USH2A: variants seen among roughly 807,000 people sequenced by gnomAD.
The protein encoded by USH2A is Usher syndrome 2A (autosomal recessive, mild).
A neutral mutation model predicts 538.9 loss-of-function variants in USH2A; 443 were observed. The observed-to-expected ratio is 0.82, with a 90% CI of 0.76 to 0.89. The LOEUF (loss-of-function observed/expected upper bound fraction) is 0.89, where lower values mean the gene tolerates loss of function less well. Among genes scored for constraint, USH2A ranks in the 40% least tolerant of loss-of-function variants. The probability of loss-of-function intolerance (pLI) is 0.00; values close to 1 mark genes in which losing one functional copy is unlikely to be tolerated. For missense variants in USH2A, 6,633 were observed against 6,324.8 expected (o/e 1.05, Z -1.65); for synonymous variants, 2,413 against 2,273.5 (o/e 1.06, Z -1.75).
At chr1:215,965,922 G>GACAC (rs1558185688) in intron 36 of USH2A, among the ~76,000 whole-genome samples, 2 of 87,408 alleles carry the variant, frequency 2.3e-5, no homozygotes, top group African/African-American at 9.4e-5. Context: ...TCTCTTCTCT[G>GACAC]TCACACACAC....
At chr1:216,268,741 G>A (rs2036522284) in intron 11 of USH2A, among the ~76,000 whole-genome samples, 1 of 151,992 alleles carries the variant, frequency 6.6e-6, no homozygotes, top group Non-Finnish European at 1.5e-5. Flanking sequence ...GTTTGCATAG[G>A]CTGCTGCCTC....
intron 57 of USH2A, 24 bp from the exon 58 acceptor site, chr1:215,758,776 T>C: frequency 2.5e-6 from 4 of 1,611,538 alleles, no homozygotes; most frequent in African/African-American, 1.3e-5. Context: ...GAAAGAAGAA[T>C]TGTGGTAAGG....
At chr1:216,040,997 T>C (rs1323252898) in intron 32 of USH2A, among the ~76,000 whole-genome samples, 6 of 152,084 alleles carry the variant, frequency 3.9e-5, no homozygotes, top group Admixed American at 3.9e-4. Context: ...TAAGCTGTCA[T>C]TATACTAACC....
chr1:215,987,692 T>C (rs938179452), intron 35 of USH2A, among the ~76,000 whole-genome samples: 6 of 152,202 alleles, frequency 3.9e-5, no homozygotes, highest in Non-Finnish European at 5.9e-5. Flanking sequence ...TTGTTTGTAA[T>C]AGCAAAAACC....
In USH2A at chr1:215,674,813, G is replaced by A. The variant is rs759949754; in HGVS notation, c.13098C>T (p.Ala4366=). Residue 4366 remains alanine, a synonymous_variant, in exon 63 of 72, where the codon GCC becomes GCT. Transcript: ENST00000307340. ...ATACATTCATTTGAGTGGCACTGAC[G>A]GCCCAAAGATCTGGAGGGCTGACTT... ...PSEVSPPDLW[A]VSATQMNVCW... 6.2e-6 allele frequency: 10 copies of A among 1,614,102 alleles called. No individual in the cohort carries two copies. The highest frequency in any genetic ancestry group is 2.2e-5 in the South Asian group (2 of 91,078).
chr1:216,152,800 C>A (rs908565263), intron 21 of USH2A, among the ~76,000 whole-genome samples: 1 of 152,156 alleles, frequency 6.6e-6, no homozygotes, highest in African/African-American at 2.4e-5. Flanking sequence ...AGCCTGGAAA[C>A]CCACAGCCCT....
intron 58 of USH2A, among the ~76,000 whole-genome samples, chr1:215,753,543 C>T (rs550096606): frequency 3.9e-5 from 6 of 152,198 alleles, no homozygotes; most frequent in South Asian, 4.1e-4. Flanking sequence ...CCATCATTCT[C>T]GGCAAACTAT....
chr1:216,003,075 C>A (rs2102485331), intron 32 of USH2A, among the ~76,000 whole-genome samples: 1 of 152,192 alleles, frequency 6.6e-6, no homozygotes, highest in African/African-American at 2.4e-5. Flanking sequence ...TGCCCGGATT[C>A]TTCCATGGAG....
intron 37 of USH2A, among the ~76,000 whole-genome samples, chr1:215,940,840 T>A (rs925564791): frequency 1.3e-5 from 2 of 152,172 alleles, no homozygotes; most frequent in African/African-American, 4.8e-5. Context: ...CTGACAATTG[T>A]AGTGCAGGGA....
intron 35 of USH2A, among the ~76,000 whole-genome samples, chr1:215,984,067 T>G (rs1288449823): frequency 6.6e-6 from 1 of 152,182 alleles, no homozygotes; most frequent in African/African-American, 2.4e-5. Context: ...TTGCCGTTGC[T>G]GCCCATGGAC....
Position 215,671,044 on chromosome 1 carries a change from G to T in USH2A, c.14061C>A (p.Val4687=), listed in dbSNP as rs753243273. The T allele has an allele frequency of 1.3e-5, 21 of 1,614,022 alleles. No individual in the cohort carries two copies. The East Asian group carries it at 4.5e-4, about 34-fold the overall frequency. ...IATQPRKSNP[V]LIYNGSSTSF... ...ATGTTGAGCTTCCGTTATAGATTAGGACTGGATTGGATTTTCTAGGCTGAG... is the reference window on the plus strand; with the variant it reads ...ATGTTGAGCTTCCGTTATAGATTAGTACTGGATTGGATTTTCTAGGCTGAG... Residue 4687 remains valine, a synonymous_variant, in exon 64 of 72, where the codon GTC becomes GTA. Coordinates refer to ENST00000307340, the MANE Select transcript of USH2A (RefSeq NM_206933.4).
chr1:215,823,116 T>G (rs4417038), intron 47 of USH2A, among the ~76,000 whole-genome samples: 7,161 of 152,114 alleles, frequency 0.047, 267 homozygotes, highest in South Asian at 0.14. Flanking sequence ...GGTTTGTCTG[T>G]GTACTTAATT....
At position 215,648,067 on chromosome 1, in the gene USH2A, AT is replaced by A. The variant is rs1420674772; in HGVS notation, c.14583-338del. Among the ~76,000 whole-genome samples, 4 of 152,008 alleles carry A rather than the reference AT, an allele frequency of 2.6e-5. No homozygotes were observed. In the East Asian group the frequency reaches 5.8e-4, roughly 22 times the overall value. ...GGTTCTTCTCTTTTTAGAGTAAATA[AT>A]TTTTTTTCTAAATGATTTTGAGTCA... On this transcript the variant is annotated intron_variant, in intron 66 of 71. Coordinates refer to ENST00000307340, the MANE Select transcript of USH2A (RefSeq NM_206933.4).
intron 46 of USH2A, 115 bp downstream of exon 46, chr1:215,844,179 C>T (rs897824023): frequency 2.0e-5 from 22 of 1,115,042 alleles, no homozygotes; most frequent in South Asian, 1.2e-4. Flanking sequence ...CTTTTCCCTT[C>T]CCCACCAAAG....
At chr1:215,809,154 T>C (rs1662586696) in intron 49 of USH2A, among the ~76,000 whole-genome samples, 1 of 152,184 alleles carries the variant, frequency 6.6e-6, no homozygotes, top group African/African-American at 2.4e-5. Flanking sequence ...AAAATAATTC[T>C]ATTTCGTCTG....
chr1:216,179,643 G>A (rs2034455371), intron 20 of USH2A, among the ~76,000 whole-genome samples: 1 of 151,952 alleles, frequency 6.6e-6, no homozygotes, highest in African/African-American at 2.4e-5. Context: ...GCTGGAAGGG[G>A]GAATTAAGTG....
At chr1:216,202,776 T>C (rs2035028007) in intron 16 of USH2A, among the ~76,000 whole-genome samples, 1 of 152,190 alleles carries the variant, frequency 6.6e-6, no homozygotes, top group Non-Finnish European at 1.5e-5. Flanking sequence ...CTTCCTCAAC[T>C]ACAGTATCTG....
At chr1:215,797,313 A>G (rs1027424390) in intron 50 of USH2A, among the ~76,000 whole-genome samples, 2 of 152,244 alleles carry the variant, frequency 1.3e-5, no homozygotes, top group Non-Finnish European at 2.9e-5. Flanking sequence ...GCTGATGTAG[A>G]AACTGCTGCC....
intron 21 of USH2A, among the ~76,000 whole-genome samples, chr1:216,109,773 C>T (rs2032822437): frequency 2.0e-5 from 3 of 151,952 alleles, no homozygotes; most frequent in Admixed American, 2.0e-4. Flanking sequence ...AATTTATGTC[C>T]AACTTTTAAA....
Sources: allele counts gnomAD v4.1 joint callset (sites outside exome capture counted in the v4.1 genomes callset), GRCh38; gene constraint gnomAD v4.1.1; transcripts MANE v1.5; gene names NCBI Gene and HGNC (gene_info 2026-07-23, HGNC 2026-07-21).